Variants in CORIN observed in about 807,000 individuals in gnomAD.
CORIN encodes the protein atrial natriuretic peptide-converting enzyme.
CORIN carries 117 observed loss-of-function variants against 125.3 expected under a neutral mutation model. The ratio of observed to expected loss-of-function variants is 0.93; its 90% confidence interval spans 0.80 to 1.09. The LOEUF (loss-of-function observed/expected upper bound fraction) is 1.09. CORIN is among the 50% of genes least tolerant of loss of function. The pLI, the probability that CORIN is intolerant of heterozygous loss-of-function variation, is 0.00. For synonymous variants in CORIN, 450 were observed against 466.4 expected (o/e 0.96, Z 0.45); for missense variants, 1,253 against 1,306.7 (o/e 0.96, Z 0.63).
At chr4:47,828,505 C>CCA in intron 1 of CORIN, among the ~76,000 whole-genome samples, 1 of 152,284 alleles carries the variant, frequency 6.6e-6, no homozygotes, top group East Asian at 1.9e-4. Context: ...AACACATCTA[C>CCA]ATTCTGGGAG....
intron 4 of CORIN, among the ~76,000 whole-genome samples, chr4:47,757,878 G>GTGTATATATATA (rs754526773): frequency 2.4e-5 from 3 of 123,926 alleles, no homozygotes; most frequent in African/African-American, 9.8e-5. Context: ...ATATATATAT[G>GTGTATATATATA]TATATATATA....
intron 7 of CORIN, chr4:47,681,963 A>C (rs1309670358): frequency 6.6e-6 from 1 of 152,218 alleles, no homozygotes; most frequent in Non-Finnish European, 1.5e-5. Flanking sequence ...CAGCCACGCC[A>C]AAAGAATAAA....
intron 1 of CORIN, among the ~76,000 whole-genome samples, chr4:47,820,169 A>G (rs1732446943): frequency 6.6e-6 from 1 of 152,206 alleles, no homozygotes; most frequent in African/African-American, 2.4e-5. Flanking sequence ...GTCAAAAGAA[A>G]GAGAGAGGAA....
In CORIN at chr4:47,664,120, T is replaced by C. The variant is rs188967246; in HGVS notation, c.1589+912A>G. Among the ~76,000 whole-genome samples, 16 of 152,312 alleles carry C rather than the reference T, an allele frequency of 1.1e-4. No homozygotes were observed. The East Asian group carries it at 2.9e-3, about 28-fold the overall frequency. The stretch of plus-strand genomic sequence containing the variant: ...TGCTACTCGCATTTAGGCCAGCACA[T>C]TTGTATACCTACCCCTTGAGGGAAA... On this transcript the variant is annotated intron_variant, in intron 11 of 21. Transcript: ENST00000273857.
In CORIN at chr4:47,653,622, A is replaced by G. The variant is rs149916577; in HGVS notation, c.1774T>C (p.Cys592Arg). The G allele has an allele frequency of 6.2e-7, 1 of 1,613,988 alleles. No individual in the cohort carries two copies. The highest frequency in any genetic ancestry group is 8.5e-7 in the Non-Finnish European group (1 of 1,179,980). Residue 592 changes from cysteine (C) to arginine (R), a missense_variant, in exon 13 of 22, where the codon TGT becomes CGT. By Grantham distance (180) the Cys-to-Arg change is radical (BLOSUM62 -3). Transcript: ENST00000273857. ...TCACATCTTCTGGAAGCCAGAACAC[A>G]CTGTCCTGAGCGGCACTTGAAATGA... is the stretch of plus-strand genomic sequence containing the variant. ...PSHFKCRSGQ[C>R]VLASRRCDGQ...
chr4:47,724,953 C>A (rs1248838112), intron 5 of CORIN, among the ~76,000 whole-genome samples: 1 of 152,154 alleles, frequency 6.6e-6, no homozygotes, highest in Non-Finnish European at 1.5e-5. Context: ...GAGTGAACCA[C>A]AGAACTGGAA....
intron 10 of CORIN, among the ~76,000 whole-genome samples, chr4:47,669,174 C>A (rs187830091): frequency 1.3e-5 from 2 of 152,104 alleles, no homozygotes; most frequent in Non-Finnish European, 2.9e-5. Flanking sequence ...CTGATGGAAT[C>A]TCAATGGTAT....
Position 47,617,076 on chromosome 4 carries a change from A to G in CORIN, c.2540+6495T>C, listed in dbSNP as rs531729123. Among the ~76,000 whole-genome samples the G allele has an allele frequency of 4.6e-5, 7 of 152,296 alleles. No individual in the cohort carries two copies. The East Asian group carries it at 1.4e-3, about 29-fold the overall frequency. On this transcript the variant is annotated intron_variant, in intron 19 of 21. Transcript: ENST00000273857. The stretch of plus-strand genomic sequence containing the variant: ...CAAGGTGAAAGACATGATGGCATCT[A>G]TTTTATTCATGAAGTATAAGGTGAG...
chr4:47,748,095 G>A (rs1444339493), intron 4 of CORIN, among the ~76,000 whole-genome samples: 1 of 152,162 alleles, frequency 6.6e-6, no homozygotes, highest in Non-Finnish European at 1.5e-5. Context: ...AGACCCATAA[G>A]CTTTAAACTG....
At chr4:47,725,717 C>G (rs1727562606) in intron 5 of CORIN, among the ~76,000 whole-genome samples, 1 of 151,958 alleles carries the variant, frequency 6.6e-6, no homozygotes, top group Admixed American at 6.6e-5. Flanking sequence ...GTAAATAGTT[C>G]TTATATGATA....
At chr4:47,748,586 A>G (rs1014423032) in intron 4 of CORIN, among the ~76,000 whole-genome samples, 1 of 152,212 alleles carries the variant, frequency 6.6e-6, no homozygotes, top group Non-Finnish European at 1.5e-5. Flanking sequence ...AGGCTGTTAT[A>G]AAATTATTTA....
chr4:47,678,144 T>C (rs1364930050), intron 8 of CORIN, 90 bp from the exon 9 acceptor site: 1 of 888,766 alleles, frequency 1.1e-6, no homozygotes, highest in African/African-American at 1.6e-5. Context: ...TTATCAAGCA[T>C]CGCTAAGAAA....
chr4:47,623,530 A>T, intron 19 of CORIN, 41 bp downstream of exon 19: 1 of 1,598,774 alleles, frequency 6.3e-7, no homozygotes, highest in Middle Eastern at 1.7e-4. Context: ...TGACAAAGTG[A>T]TCAAATCCAG....
chr4:47,610,327 GT>G (rs1721822543), intron 19 of CORIN, among the ~76,000 whole-genome samples: 1 of 152,128 alleles, frequency 6.6e-6, no homozygotes, highest in Non-Finnish European at 1.5e-5. Flanking sequence ...TCTCATTGTG[GT>G]TTTGATTTAC....
chr4:47,665,100 C>A lies in CORIN; in HGVS notation c.1521G>T (p.Met507Ile). The A allele has an allele frequency of 6.2e-7, 1 of 1,613,804 alleles. No homozygotes were observed. Among genetic ancestry groups the A allele is most frequent in the Non-Finnish European group, 8.5e-7 (1 of 1,179,812 alleles). ...LVQTNCYKYL[M>I]FFSCTILVPK... ...GTACCAAAATGGTGCAAGAAAAGAA[C>A]ATGAGGTATTTATAACAGTTGGTTT... The change falls in exon 11 of 22, where the codon ATG (methionine) becomes ATT (isoleucine). Residue 507 changes from methionine to isoleucine, a missense_variant. Met to Ile is a conservative substitution (Grantham distance 10). Coordinates refer to ENST00000273857, the MANE Select transcript of CORIN (RefSeq NM_006587.4).
chr4:47,765,118 T>C (rs1489817624), intron 3 of CORIN, among the ~76,000 whole-genome samples: 4 of 152,064 alleles, frequency 2.6e-5, no homozygotes, highest in Non-Finnish European at 4.4e-5. Flanking sequence ...GAGACCATCC[T>C]GGTTAACACG....
intron 13 of CORIN, among the ~76,000 whole-genome samples, 187 bp downstream of exon 13, chr4:47,653,366 G>A (rs1034773489): frequency 1.3e-5 from 2 of 152,154 alleles, no homozygotes; most frequent in Non-Finnish European, 2.9e-5. Context: ...GTGCAATTTA[G>A]AGGAAATCAA....
chr4:47,677,306 T>C (rs1485548054), intron 9 of CORIN, among the ~76,000 whole-genome samples: 1 of 152,230 alleles, frequency 6.6e-6, no homozygotes, highest in Non-Finnish European at 1.5e-5. Context: ...AACAATCATG[T>C]TATTAACAAC....
chr4:47,671,680 A>G (rs1431221175), intron 10 of CORIN, among the ~76,000 whole-genome samples: 1 of 151,890 alleles, frequency 6.6e-6, no homozygotes, highest in African/African-American at 2.4e-5. Flanking sequence ...CACCTCCTGG[A>G]TTCATGCCAT....
Sources: gnomAD v4.1 joint callset for allele counts (sites outside exome capture counted in the v4.1 genomes callset) on GRCh38, gnomAD v4.1.1 for gene constraint, MANE v1.5 for transcripts, NCBI Gene and HGNC (gene_info 2026-07-23, HGNC 2026-07-21) for gene names.